Variants in CHST9 observed in about 807,000 individuals in gnomAD.
CHST9 encodes the protein carbohydrate sulfotransferase 9.
In CHST9, 41 loss-of-function variants were observed where a neutral mutation model predicts 44.4. That is an observed-to-expected ratio of 0.92 (90% CI 0.72 to 1.20). CHST9 has a LOEUF of 1.20. Among genes scored for constraint, CHST9 ranks in the 50% most tolerant of loss-of-function variants. The pLI is 0.00. For missense variants in CHST9, 504 were observed against 516.5 expected, an observed-to-expected ratio of 0.98 and a Z score of 0.23; for synonymous variants, 171 against 178.4, an observed-to-expected ratio of 0.96 and a Z score of 0.33.
intron 4 of CHST9, among the ~76,000 whole-genome samples, chr18:26,950,480 A>T (rs764191349): frequency 6.6e-6 from 1 of 152,220 alleles, no homozygotes; most frequent in Non-Finnish European, 1.5e-5. Context: ...CTAAATGCCC[A>T]TCAACCAGTA....
At chr18:27,146,530 A>G (rs2058613858) in intron 1 of CHST9, among the ~76,000 whole-genome samples, 1 of 152,202 alleles carries the variant, frequency 6.6e-6, no homozygotes, top group African/African-American at 2.4e-5. Context: ...GCCTGCGGAA[A>G]AAGTGCAGAC....
chr18:26,909,364 G>T lies in CHST9; in HGVS notation c.*6895C>A, dbSNP rs2055410114. On this transcript the variant is annotated 3_prime_UTR_variant, in exon 6 of 6. Coordinates refer to ENST00000618847, the MANE Select transcript of CHST9 (RefSeq NM_031422.6). The stretch of plus-strand genomic sequence containing the variant: ...GAGATTATTAAAAAGGAAATTTTCA[G>T]GTGGTTTTCATAGAGATTCCAATTC... 6.6e-6 allele frequency: 1 copy of T among 152,158 alleles called. No homozygotes were observed. Among genetic ancestry groups the T allele is most frequent in the Non-Finnish European group, 1.5e-5 (1 of 68,028 alleles). 9.4% of individuals were successfully genotyped at this position (152,158 alleles called of 1,614,324 possible). A position where few individuals can be genotyped will look rare whatever the true frequency, so the allele number is the denominator to read the frequency against.
intron 2 of CHST9, among the ~76,000 whole-genome samples, chr18:27,066,287 C>T (rs1231740697): frequency 6.6e-6 from 1 of 152,170 alleles, no homozygotes; most frequent in Non-Finnish European, 1.5e-5. Context: ...GTAAAGTGAC[C>T]TTGGCCAGTT....
At position 26,916,451 on chromosome 18, in the gene CHST9, A is replaced by G. The variant is rs778559119; in HGVS notation, c.1140T>C (p.Phe380=). ...CCTTTGGAGCACCGATCATCTGTAA[A>G]AAGTAATTGGCATCTTCTTCCAAAG... ...FETLEEDANY[F]LQMIGAPKEL... is the part of the protein sequence containing the mutation. The change falls in exon 6 of 6, where the codon TTT becomes TTC. Residue 380 remains phenylalanine, a synonymous_variant. Coordinates refer to ENST00000618847, the MANE Select transcript of CHST9 (RefSeq NM_031422.6). The G allele has an allele frequency of 6.2e-7, 1 of 1,613,750 alleles. No individual in the cohort carries two copies. The highest frequency in any genetic ancestry group is 1.1e-5 in the South Asian group (1 of 91,068).
intron 2 of CHST9, among the ~76,000 whole-genome samples, chr18:27,128,104 T>C (rs1175887173): frequency 6.6e-6 from 1 of 152,176 alleles, no homozygotes; most frequent in Non-Finnish European, 1.5e-5. Flanking sequence ...ATCCATCTTG[T>C]GTAATTTTCT....
chr18:27,180,149 A>T lies in CHST9; in HGVS notation c.-97+4987T>A, dbSNP rs1036927201. 3.9e-5 allele frequency among the ~76,000 whole-genome samples: 6 copies of T among 152,110 alleles called. No individual in the cohort carries two copies. In the South Asian group the frequency reaches 1.2e-3, roughly 31 times the overall value. ...TCTGGGTTGTTAGTATCTCAACACT[A>T]GTTTAAGTCTACCCTCATTCTTTCA... On this transcript the variant is annotated intron_variant, in intron 1 of 5. Coordinates refer to ENST00000618847, the MANE Select transcript of CHST9 (RefSeq NM_031422.6).
intron 4 of CHST9, among the ~76,000 whole-genome samples, chr18:26,949,812 G>T (rs148290066): frequency 2.4e-3 from 364 of 152,310 alleles, no homozygotes; most frequent in Middle Eastern, 3.4e-3. Context: ...TTATAATAAA[G>T]GGGCAGGAGA....
chr18:27,080,809 C>T (rs920926738), intron 2 of CHST9, among the ~76,000 whole-genome samples: 7 of 152,122 alleles, frequency 4.6e-5, no homozygotes, highest in African/African-American at 1.7e-4. Context: ...GGCAAATGGT[C>T]ATGTCTTTAA....
At chr18:27,173,529 T>G (rs2058847458) in intron 1 of CHST9, among the ~76,000 whole-genome samples, 1 of 152,012 alleles carries the variant, frequency 6.6e-6, no homozygotes, top group South Asian at 2.1e-4. Flanking sequence ...TTCTCATATA[T>G]AACTGGAAAA....
rs190242984 is a variant in CHST9, at chr18:26,914,104, C to T, written c.*2155G>A. On this transcript the variant is annotated 3_prime_UTR_variant, in exon 6 of 6. Coordinates refer to ENST00000618847, the MANE Select transcript of CHST9 (RefSeq NM_031422.6). ...CAGCAAAAGGTACAATACAGCTTTC[C>T]GTAGAGAACACTGGGTATCATTTTC... 5 of 152,114 alleles carry T rather than the reference C, an allele frequency of 3.3e-5. No individual in the cohort carries two copies. The highest frequency in any genetic ancestry group is 7.2e-5 in the African/African-American group (3 of 41,414). 9.4% of individuals were successfully genotyped at this position (152,114 alleles called of 1,614,324 possible). A position where few individuals can be genotyped will look rare whatever the true frequency, so the allele number is the denominator to read the frequency against.
chr18:27,148,908 C>T (rs2058637209), intron 1 of CHST9, among the ~76,000 whole-genome samples: 1 of 138,496 alleles, frequency 7.2e-6, no homozygotes, highest in Non-Finnish European at 1.6e-5. Context: ...TCCACATCCT[C>T]TCCAGCATCT....
chr18:26,963,608 G>A (rs2056428265), intron 4 of CHST9, among the ~76,000 whole-genome samples: 1 of 150,788 alleles, frequency 6.6e-6, no homozygotes. Context: ...TTATTTCAGT[G>A]TCTCTACAAA....
intron 2 of CHST9, among the ~76,000 whole-genome samples, chr18:27,120,212 C>T (rs1020876142): frequency 7.9e-5 from 12 of 152,178 alleles, no homozygotes; most frequent in African/African-American, 2.9e-4. Context: ...CAATTGCCTA[C>T]ATTACGAGTA....
chr18:26,918,672 T>C (rs965389371), intron 5 of CHST9, among the ~76,000 whole-genome samples: 2 of 152,100 alleles, frequency 1.3e-5, no homozygotes, highest in Non-Finnish European at 2.9e-5. Flanking sequence ...CAAGGATAAT[T>C]AGTAATTTTC....
intron 4 of CHST9, among the ~76,000 whole-genome samples, chr18:27,003,575 C>T (rs1356425770): frequency 2.0e-5 from 3 of 152,064 alleles, no homozygotes; most frequent in African/African-American, 7.2e-5. Context: ...AGGAGTAGGG[C>T]AATTGAAGGT....
At chr18:27,166,637 CTT>C (rs1461243165) in intron 1 of CHST9, among the ~76,000 whole-genome samples, 1 of 152,190 alleles carries the variant, frequency 6.6e-6, no homozygotes, top group Non-Finnish European at 1.5e-5. Flanking sequence ...TAGACAGTCT[CTT>C]CAGTTCAACA....
intron 1 of CHST9, among the ~76,000 whole-genome samples, chr18:27,176,829 C>G (rs1341737368): frequency 6.6e-6 from 1 of 151,976 alleles, no homozygotes; most frequent in Non-Finnish European, 1.5e-5. Flanking sequence ...CAGTGATTTT[C>G]AAATTCATTT....
At chr18:26,922,687 G>A (rs1218820845) in intron 5 of CHST9, among the ~76,000 whole-genome samples, 1 of 152,048 alleles carries the variant, frequency 6.6e-6, no homozygotes, top group Non-Finnish European at 1.5e-5. Context: ...CCAGGCTGGA[G>A]TGCAATGGCA....
At chr18:26,987,647 G>C (rs2056769548) in intron 4 of CHST9, among the ~76,000 whole-genome samples, 1 of 152,138 alleles carries the variant, frequency 6.6e-6, no homozygotes, top group African/African-American at 2.4e-5. Flanking sequence ...GCCCTGATCT[G>C]AATGTGTCCC....
Sources: gnomAD v4.1 joint callset for allele counts (sites outside exome capture counted in the v4.1 genomes callset) on GRCh38, gnomAD v4.1.1 for gene constraint, MANE v1.5 for transcripts, NCBI Gene and HGNC (gene_info 2026-07-23, HGNC 2026-07-21) for gene names.